TNR: variants seen among roughly 807,000 people sequenced by gnomAD.
TNR encodes the protein tenascin-R.
In TNR, 45 loss-of-function variants were observed where a neutral mutation model predicts 150.4. The observed-to-expected ratio is 0.30, with a 90% CI of 0.24 to 0.38. The LOEUF is 0.38. Ranked by LOEUF, TNR falls within the 10% of genes least tolerant of loss-of-function variation. The pLI is 1.00. For synonymous variants in TNR, 687 were observed against 678.4 expected (o/e 1.01, Z -0.20); for missense variants, 1,544 against 1,759.1 (o/e 0.88, Z 2.19).
At chr1:175,493,510 C>T (rs1166090521) in intron 2 of TNR, among the ~76,000 whole-genome samples, 1 of 152,220 alleles carries the variant, frequency 6.6e-6, no homozygotes, top group African/African-American at 2.4e-5. Context: ...GCCCCACGCT[C>T]ACCAGGAGAA....
intron 9 of TNR, among the ~76,000 whole-genome samples, chr1:175,376,879 T>TATATATAC (rs36055169): frequency 0.033 from 4,792 of 146,436 alleles, 109 homozygotes; most frequent in African/African-American, 0.063. Context: ...TATATATATA[T>TATATATAC]ACACATATAT....
At chr1:175,605,633 C>T (rs1663382192) in intron 1 of TNR, among the ~76,000 whole-genome samples, 1 of 152,190 alleles carries the variant, frequency 6.6e-6, no homozygotes, top group African/African-American at 2.4e-5. Context: ...GAAAAGACAT[C>T]CCTGTTTCAT....
chr1:175,708,183 C>A (rs1375047759), intron 1 of TNR, among the ~76,000 whole-genome samples: 3 of 152,190 alleles, frequency 2.0e-5, no homozygotes, highest in African/African-American at 7.2e-5. Flanking sequence ...TTAGGCAGAG[C>A]CATAGCCACA....
intron 2 of TNR, among the ~76,000 whole-genome samples, chr1:175,485,362 T>C (rs930389890): frequency 6.6e-6 from 1 of 152,196 alleles, no homozygotes; most frequent in Non-Finnish European, 1.5e-5. Flanking sequence ...TTTTCTTTCT[T>C]TGATAGCCAT....
intron 20 of TNR, among the ~76,000 whole-genome samples, chr1:175,331,012 T>C (rs1411365909): frequency 3.7e-5 from 2 of 54,428 alleles, no homozygotes; most frequent in Non-Finnish European, 3.7e-5. Context: ...TTTCTTTCTT[T>C]CTTTCTTTCT....
At chr1:175,534,302 G>T (rs1311267321) in intron 1 of TNR, among the ~76,000 whole-genome samples, 1 of 152,202 alleles carries the variant, frequency 6.6e-6, no homozygotes, top group Non-Finnish European at 1.5e-5. Context: ...GCTTGACAAT[G>T]ACTAGACAAG....
intron 2 of TNR, among the ~76,000 whole-genome samples, chr1:175,442,596 T>C (rs138968182): frequency 9.2e-5 from 14 of 151,876 alleles, no homozygotes; most frequent in African/African-American, 2.4e-4. Flanking sequence ...TCTGTTGAGA[T>C]AGATGCACAC....
intron 1 of TNR, among the ~76,000 whole-genome samples, chr1:175,607,965 G>C (rs535520765): frequency 3.9e-5 from 6 of 152,318 alleles, no homozygotes; most frequent in African/African-American, 1.4e-4. Flanking sequence ...AGCTTAGTCA[G>C]TTCTGTGGTC....
chr1:175,496,856 C>T (rs1658511004), intron 2 of TNR, among the ~76,000 whole-genome samples: 2 of 152,278 alleles, frequency 1.3e-5, no homozygotes, highest in East Asian at 1.9e-4. Flanking sequence ...TCATAACAAC[C>T]CTGTGAGGGA....
At chr1:175,605,523 T>A (rs532435766) in intron 1 of TNR, among the ~76,000 whole-genome samples, 1 of 152,214 alleles carries the variant, frequency 6.6e-6, no homozygotes, top group East Asian at 1.9e-4. Flanking sequence ...CTCATGAACA[T>A]AGCATTGTGG....
At chr1:175,459,718 CAG>C (rs891396514) in intron 2 of TNR, among the ~76,000 whole-genome samples, 9 of 152,178 alleles carry the variant, frequency 5.9e-5, no homozygotes, top group African/African-American at 2.2e-4. Context: ...GTCTGGCAGA[CAG>C]GGGCTGTTTC....
intron 10 of TNR, 37 bp from the exon 11 acceptor site, chr1:175,366,175 T>C: frequency 6.5e-7 from 1 of 1,547,244 alleles, no homozygotes; most frequent in Middle Eastern, 1.8e-4. Flanking sequence ...TTACATGTGT[T>C]CCCCTGGAGG....
At chr1:175,490,253 C>A (rs1658187654) in intron 2 of TNR, among the ~76,000 whole-genome samples, 2 of 152,172 alleles carry the variant, frequency 1.3e-5, no homozygotes, top group South Asian at 4.1e-4. Flanking sequence ...AATGTAAAAC[C>A]CAAAACTATA....
At chr1:175,616,536 G>A (rs1663782005) in intron 1 of TNR, among the ~76,000 whole-genome samples, 1 of 152,138 alleles carries the variant, frequency 6.6e-6, no homozygotes, top group African/African-American at 2.4e-5. Flanking sequence ...GCAGGATGGG[G>A]GCAGAGGAAA....
intron 18 of TNR, among the ~76,000 whole-genome samples, chr1:175,347,084 C>A (rs2101999419): frequency 6.6e-6 from 1 of 152,104 alleles, no homozygotes; most frequent in East Asian, 1.9e-4. Context: ...GGTAGCTAAC[C>A]ATATATAACA....
chr1:175,727,815 GGGAC>G (rs1475372937), intron 1 of TNR, among the ~76,000 whole-genome samples: 2 of 152,146 alleles, frequency 1.3e-5, no homozygotes, highest in Non-Finnish European at 2.9e-5. Context: ...AGGAAAATGA[GGGAC>G]TGCCTGTCTA....
chr1:175,397,992 G>T (rs896830965), intron 4 of TNR, among the ~76,000 whole-genome samples: 1 of 152,170 alleles, frequency 6.6e-6, no homozygotes, highest in Non-Finnish European at 1.5e-5. Flanking sequence ...ATATGTAGTG[G>T]AGGCTTCGAT....
intron 1 of TNR, among the ~76,000 whole-genome samples, chr1:175,548,931 A>T (rs1660827509): frequency 6.6e-6 from 1 of 152,172 alleles, no homozygotes; most frequent in African/African-American, 2.4e-5. Context: ...TGAATACAAC[A>T]ACTAGCACTG....
chr1:175,508,681 G>A (rs948727770), intron 2 of TNR, among the ~76,000 whole-genome samples: 4 of 152,174 alleles, frequency 2.6e-5, no homozygotes, highest in African/African-American at 9.7e-5. Flanking sequence ...TCTTTCTCCA[G>A]TTCTGCCTTG....
Sources: allele counts gnomAD v4.1 joint callset (sites outside exome capture counted in the v4.1 genomes callset), GRCh38; gene constraint gnomAD v4.1.1; transcripts MANE v1.5; gene names NCBI Gene and HGNC (gene_info 2026-07-23, HGNC 2026-07-21).